The following ATAD1 variants were observed in gnomAD, a reference collection of about 807,000 sequenced individuals.
The protein encoded by ATAD1 is ATPase family AAA domain containing 1.
In ATAD1, 18 loss-of-function variants were observed where a neutral mutation model predicts 42.7. The observed-to-expected ratio is 0.42, with a 90% CI of 0.29 to 0.63. The LOEUF is 0.63. Ranked by LOEUF, ATAD1 falls within the 20% of genes least tolerant of loss-of-function variation. ATAD1 has a pLI of 0.19. For synonymous variants in ATAD1, 132 were observed against 143.1 expected, an observed-to-expected ratio of 0.92 and a Z score of 0.55; for missense variants, 294 against 440.4, an observed-to-expected ratio of 0.67 and a Z score of 2.98.
intron 9 of ATAD1, among the ~76,000 whole-genome samples, chr10:87,756,550 T>C (rs1854231145): frequency 6.6e-6 from 1 of 152,210 alleles, no homozygotes; most frequent in Non-Finnish European, 1.5e-5. Context: ...CCACGGATCA[T>C]CAGAAGAAAT....
intron 1 of ATAD1, among the ~76,000 whole-genome samples, chr10:87,824,994 C>CATT (rs1857699116): frequency 6.6e-6 from 1 of 152,192 alleles, no homozygotes; most frequent in African/African-American, 2.4e-5. Flanking sequence ...CAGAGACCAT[C>CATT]ATTAATATTG....
At chr10:87,800,087 T>TC (rs1252706946) in intron 2 of ATAD1, among the ~76,000 whole-genome samples, 1 of 150,706 alleles carries the variant, frequency 6.6e-6, no homozygotes, top group Non-Finnish European at 1.5e-5. Context: ...GAGGATTTAT[T>TC]TAAAAAAAAA....
chr10:87,781,483 C>A (rs1022138542), intron 5 of ATAD1, among the ~76,000 whole-genome samples: 1 of 152,078 alleles, frequency 6.6e-6, no homozygotes, highest in Admixed American at 6.6e-5. Context: ...ATTTTGTGTA[C>A]CAACAAGAAA....
At chr10:87,776,983 T>A (rs74146207) in intron 5 of ATAD1, among the ~76,000 whole-genome samples, 2 of 152,200 alleles carry the variant, frequency 1.3e-5, no homozygotes, top group Non-Finnish European at 2.9e-5. Context: ...GAAAACTTTA[T>A]GAAAGATTAC....
At chr10:87,811,643 G>C (rs12785229) in intron 2 of ATAD1, among the ~76,000 whole-genome samples, 1 of 152,290 alleles carries the variant, frequency 6.6e-6, no homozygotes, top group South Asian at 2.1e-4. Flanking sequence ...TGATGGTGGT[G>C]AGGGGAGATG....
At chr10:87,775,719 C>T (rs1262431286) in intron 6 of ATAD1, among the ~76,000 whole-genome samples, 1 of 152,128 alleles carries the variant, frequency 6.6e-6, no homozygotes, top group Non-Finnish European at 1.5e-5. Flanking sequence ...AGCTCTCTTT[C>T]TCTTTGGTCA....
chr10:87,801,769 C>CT (rs758418422), intron 2 of ATAD1, among the ~76,000 whole-genome samples: 3 of 152,066 alleles, frequency 2.0e-5, no homozygotes, highest in Admixed American at 6.5e-5. Context: ...CTATAAAACT[C>CT]TAACAGGTGC....
At chr10:87,831,675 A>C (rs979114218) in intron 1 of ATAD1, among the ~76,000 whole-genome samples, 1 of 152,210 alleles carries the variant, frequency 6.6e-6, no homozygotes, top group African/African-American at 2.4e-5. Context: ...TATCATATTT[A>C]TCAATAAATG....
chr10:87,817,429 G>C (rs1247429002), intron 1 of ATAD1, among the ~76,000 whole-genome samples: 1 of 152,150 alleles, frequency 6.6e-6, no homozygotes, highest in Non-Finnish European at 1.5e-5. Context: ...TTATTTGTTA[G>C]GCAAATATGG....
chr10:87,780,018 C>T (rs1320527463), intron 5 of ATAD1, among the ~76,000 whole-genome samples: 2 of 152,188 alleles, frequency 1.3e-5, no homozygotes, highest in Non-Finnish European at 2.9e-5. Flanking sequence ...GGAAAACCTA[C>T]ACATGATGCT....
chr10:87,792,381 C>A (rs1358375286), intron 3 of ATAD1, among the ~76,000 whole-genome samples: 3 of 152,208 alleles, frequency 2.0e-5, no homozygotes, highest in African/African-American at 7.2e-5. Flanking sequence ...TGTGTTGTCA[C>A]AACTTGATGC....
rs200152482 is a variant in ATAD1, at chr10:87,814,602, T to C, written c.-3A>G. The C allele has an allele frequency of 2.5e-6, 4 of 1,598,440 alleles. No homozygotes were observed. The highest frequency in any genetic ancestry group is 2.3e-5 in the East Asian group (1 of 44,292). The stretch of plus-strand genomic sequence containing the variant: ...GAAAAGGCTTCAGCATGTACCATCT[T>C]GAATGTTAACCTTAAAAAAACAAAC... On this transcript the variant is annotated 5_prime_UTR_variant, in exon 2 of 10. Transcript: ENST00000680024.
chr10:87,808,727 C>T (rs544017643), intron 2 of ATAD1, among the ~76,000 whole-genome samples: 1 of 152,302 alleles, frequency 6.6e-6, no homozygotes, highest in South Asian at 2.1e-4. Context: ...GATTTCCCAT[C>T]CCTTAAATGA....
chr10:87,780,939 A>G (rs935008976), intron 5 of ATAD1, among the ~76,000 whole-genome samples: 1 of 152,168 alleles, frequency 6.6e-6, no homozygotes, highest in Non-Finnish European at 1.5e-5. Flanking sequence ...TCCTCCTTAC[A>G]CAAAAAACTA....
upstream of ATAD1, among the ~76,000 whole-genome samples, chr10:87,822,360 G>A (rs1439856417): frequency 6.6e-6 from 1 of 152,148 alleles, no homozygotes; most frequent in Non-Finnish European, 1.5e-5. Flanking sequence ...AGAAAGAAAA[G>A]TAAAGCAAGA....
chr10:87,785,692 A>G (rs1370229022), intron 4 of ATAD1, among the ~76,000 whole-genome samples: 2 of 151,296 alleles, frequency 1.3e-5, no homozygotes, highest in Admixed American at 1.3e-4. Flanking sequence ...GAGAGGAAAA[A>G]TAATTTTGTA....
In ATAD1 at chr10:87,767,833, A is replaced by C. The variant is rs1854835503; in HGVS notation, c.781-110T>G. The C allele has an allele frequency of 3.0e-6, 3 of 1,015,904 alleles. No individual in the cohort carries two copies. In the Admixed American group the frequency reaches 7.6e-5, roughly 26 times the overall value. The allele number at this position is 1,015,904 out of a possible 1,614,324, so 62.9% of individuals were successfully genotyped here. On this transcript the variant is annotated intron_variant, in intron 7 of 9. Coordinates refer to ENST00000680024, the MANE Select transcript of ATAD1 (RefSeq NM_001321967.2). Reference sequence around the variant, plus strand: ...TCTAAAGTCTCTCTCAATACTTATAAGGAGATGACAGAAACTTTGAAGAGG... The same window carrying C: ...TCTAAAGTCTCTCTCAATACTTATACGGAGATGACAGAAACTTTGAAGAGG...
intron 6 of ATAD1, among the ~76,000 whole-genome samples, chr10:87,775,128 A>G (rs1336989545): frequency 6.6e-6 from 1 of 152,086 alleles, no homozygotes; most frequent in Non-Finnish European, 1.5e-5. Flanking sequence ...AAAATAGGAA[A>G]TACTAAAGTT....
intron 1 of ATAD1, among the ~76,000 whole-genome samples, chr10:87,825,545 A>G (rs1055841938): frequency 1.3e-5 from 2 of 152,020 alleles, no homozygotes; most frequent in African/African-American, 4.8e-5. Context: ...TCCTGACCTC[A>G]TGATCCGCCC....
Sources: gnomAD v4.1 joint callset for allele counts (sites outside exome capture counted in the v4.1 genomes callset) on GRCh38, gnomAD v4.1.1 for gene constraint, MANE v1.5 for transcripts, NCBI Gene and HGNC (gene_info 2026-07-23, HGNC 2026-07-21) for gene names.